The following BARX2 variants were observed in gnomAD, a reference collection of about 807,000 sequenced individuals.
BARX2 encodes homeobox protein BarH-like 2.
Under a neutral mutation model 25.5 loss-of-function variants are expected in BARX2, and 11 were observed. The observed-to-expected ratio is 0.43, with a 90% CI of 0.27 to 0.71. The LOEUF is 0.71. Ranked by LOEUF, BARX2 falls within the 30% of genes least tolerant of loss-of-function variation. The pLI, the probability that BARX2 is intolerant of heterozygous loss-of-function variation, is 0.19. For missense variants in BARX2, 360 were observed against 359.9 expected, an observed-to-expected ratio of 1.00 and a Z score of 0.00; for synonymous variants, 137 against 149.5, an observed-to-expected ratio of 0.92 and a Z score of 0.61.
intron 1 of BARX2, among the ~76,000 whole-genome samples, chr11:129,420,020 AT>A (rs889361310): frequency 1.3e-5 from 2 of 151,976 alleles, no homozygotes; most frequent in African/African-American, 4.8e-5. Context: ...ACCTCAGGTG[AT>A]CCGCCTGCAT....
chr11:129,377,122 G>A (rs1398478200), intron 1 of BARX2, among the ~76,000 whole-genome samples: 1 of 152,182 alleles, frequency 6.6e-6, no homozygotes, highest in East Asian at 1.9e-4. Flanking sequence ...AAAAGTTATT[G>A]AGTGTGCTTT....
chr11:129,427,074 T>C (rs1490211062), intron 1 of BARX2, among the ~76,000 whole-genome samples: 1 of 152,224 alleles, frequency 6.6e-6, no homozygotes, highest in African/African-American at 2.4e-5. Flanking sequence ...GTGTGCTTTC[T>C]TGATAAGAAA....
At chr11:129,380,460 ACT>A (rs1449458715) in intron 1 of BARX2, among the ~76,000 whole-genome samples, 3 of 152,000 alleles carry the variant, frequency 2.0e-5, no homozygotes, top group Non-Finnish European at 4.4e-5. Context: ...AGCTCTGGTG[ACT>A]CTCCAAATCT....
At chr11:129,405,219 C>T (rs1591434314) in intron 1 of BARX2, among the ~76,000 whole-genome samples, 1 of 152,164 alleles carries the variant, frequency 6.6e-6, no homozygotes, top group African/African-American at 2.4e-5. Flanking sequence ...AAATAACTCT[C>T]CTTAATGTGC....
chr11:129,427,286 T>C (rs1440966346), intron 1 of BARX2, among the ~76,000 whole-genome samples: 1 of 152,140 alleles, frequency 6.6e-6, no homozygotes, highest in African/African-American at 2.4e-5. Flanking sequence ...CTGCTCACTG[T>C]GTGAGTCAGG....
intron 3 of BARX2, 24 bp from the exon 4 acceptor site, chr11:129,451,112 A>G: frequency 6.2e-7 from 1 of 1,603,032 alleles, no homozygotes; most frequent in South Asian, 1.1e-5. Flanking sequence ...TCTTAGATTC[A>G]ATAACAATTT....
chr11:129,433,420 T>C (rs1378189347), intron 1 of BARX2, among the ~76,000 whole-genome samples: 1 of 152,192 alleles, frequency 6.6e-6, no homozygotes, highest in Non-Finnish European at 1.5e-5. Flanking sequence ...AGTCAGATCA[T>C]GTCCTCCCTC....
upstream of BARX2, among the ~76,000 whole-genome samples, chr11:129,375,547 A>C (rs1168561042): frequency 1.3e-5 from 2 of 151,720 alleles, no homozygotes; most frequent in South Asian, 4.2e-4. This position sits in a 1 kb window ranked among gnomAD's most constrained non-coding sequence, Gnocchi z 4.0. Context: ...CGCTCCCCGC[A>C]CCGCGCGCAC....
intron 1 of BARX2, among the ~76,000 whole-genome samples, chr11:129,389,715 C>CTT (rs1366361708): frequency 4.6e-5 from 3 of 65,076 alleles, no homozygotes; most frequent in African/African-American, 6.8e-5. Context: ...TAGGGATAGT[C>CTT]TTTTTTTTTT....
chr11:129,398,053 A>G (rs1861740040), intron 1 of BARX2, among the ~76,000 whole-genome samples: 1 of 152,220 alleles, frequency 6.6e-6, no homozygotes, highest in South Asian at 2.1e-4. Flanking sequence ...ATTACTGATA[A>G]CACGATCTCA....
chr11:129,446,500 G>GTAAA (rs1281657141), intron 3 of BARX2, among the ~76,000 whole-genome samples: 4 of 152,128 alleles, frequency 2.6e-5, no homozygotes, highest in Non-Finnish European at 5.9e-5. Flanking sequence ...TGTAAAACAC[G>GTAAA]TAAATAGGAC....
At chr11:129,389,187 CAA>C (rs1861643787) in intron 1 of BARX2, among the ~76,000 whole-genome samples, 1 of 152,134 alleles carries the variant, frequency 6.6e-6, no homozygotes. Flanking sequence ...TTTGTGGTAA[CAA>C]AGTGCTTAGT....
chr11:129,428,015 C>T (rs373893443), intron 1 of BARX2, among the ~76,000 whole-genome samples: 2 of 152,238 alleles, frequency 1.3e-5, no homozygotes, highest in Non-Finnish European at 2.9e-5. Flanking sequence ...TCAAAAAGGC[C>T]GAACATTTGG....
chr11:129,441,681 C>T (rs905801707), intron 2 of BARX2, among the ~76,000 whole-genome samples: 4 of 152,118 alleles, frequency 2.6e-5, no homozygotes, highest in African/African-American at 9.7e-5. Context: ...AACTTCTGAC[C>T]TCAGGTGATC....
chr11:129,427,344 T>C (rs1406176841), intron 1 of BARX2, among the ~76,000 whole-genome samples: 1 of 152,172 alleles, frequency 6.6e-6, no homozygotes, highest in Non-Finnish European at 1.5e-5. Flanking sequence ...AGCCAGTTGG[T>C]AGGAACGGGA....
In BARX2 at chr11:129,376,106, CTT is replaced by C. The variant is rs781069993; in HGVS notation, c.73_74del (p.Phe25HisfsTer15). The C allele has an allele frequency of 6.2e-7, 1 of 1,613,110 alleles. No individual in the cohort carries two copies. The highest frequency in any genetic ancestry group is 1.1e-5 in the South Asian group (1 of 90,980). ...AAAGCAGCCAGGCGGCGCTACAAGA[CTT>C]TCATGATCGACGAGATCCTCTCCAA... On this transcript the variant is annotated frameshift_variant, in exon 1 of 4. Transcript: ENST00000281437. LOFTEE classifies it high-confidence loss of function. This position sits in a 1 kb window ranked among gnomAD's most constrained non-coding sequence, Gnocchi z 4.2.
intron 1 of BARX2, among the ~76,000 whole-genome samples, chr11:129,405,987 C>T (rs972584717): frequency 6.6e-6 from 1 of 152,094 alleles, no homozygotes; most frequent in Non-Finnish European, 1.5e-5. Context: ...TTTATAGGTA[C>T]CTATGTATGT....
rs149011396 is a variant in BARX2 at position 129,436,842 on chromosome 11, C to G, written c.279C>G (p.Ile93Met). The G allele has an allele frequency of 6.2e-7, 1 of 1,614,006 alleles. No individual in the cohort carries two copies. Among genetic ancestry groups the G allele is most frequent in the Non-Finnish European group, 8.5e-7 (1 of 1,179,958 alleles). Residue 93 changes from isoleucine to methionine, a missense_variant, in exon 2 of 4, where the codon ATC becomes ATG. Physicochemically the swap from Ile to Met is conservative, Grantham distance 10. Transcript: ENST00000281437. The surrounding 1 kb of genome is among the most constrained non-coding windows in gnomAD (Gnocchi z 4.5). ...ACCTGGTCCCTGCCACCCCGGGAAT[C>G]GCCCAGGCACTGTCCTGCCACCAGG... ...ISHLVPATPG[I>M]AQALSCHQVT... is the part of the protein sequence containing the mutation.
rs117979658 is a variant in BARX2 at position 129,376,268 on chromosome 11, G to A, written c.187+46G>A. The A allele has an allele frequency of 6.5e-6, 10 of 1,527,200 alleles. No homozygotes were observed. The highest frequency in any genetic ancestry group is 5.7e-5 in the African/African-American group (4 of 70,592). The allele number at this position is 1,527,200 out of a possible 1,614,324, so 94.6% of individuals were successfully genotyped here. ...ATAAGTGGGGTTCGGTAGCTTTCAC[G>A]TCCGTGTAGGTGGCCTGTGCTTTGC... is the stretch of plus-strand genomic sequence containing the variant. On this transcript the variant is annotated intron_variant, in intron 1 of 3. Transcript: ENST00000281437. The surrounding 1 kb of genome is among the most constrained non-coding windows in gnomAD (Gnocchi z 4.2).
Sources: allele counts gnomAD v4.1 joint callset (sites outside exome capture counted in the v4.1 genomes callset), GRCh38; gene constraint gnomAD v4.1.1; non-coding constraint Gnocchi (gnomAD v3.1); transcripts MANE v1.5; gene names NCBI Gene and HGNC (gene_info 2026-07-23, HGNC 2026-07-21).